COL24A1: variants seen among roughly 807,000 people sequenced by gnomAD.
COL24A1 encodes collagen type XXIV alpha 1 chain, also known as collagen alpha-1(XXIV) chain.
A neutral mutation model predicts 253.9 loss-of-function variants in COL24A1; 224 were observed. That is an observed-to-expected ratio of 0.88 (90% CI 0.79 to 0.99). The LOEUF is 0.99. COL24A1 is among the 50% of genes least tolerant of loss of function. The probability of loss-of-function intolerance (pLI) is 0.00; values close to 1 mark genes in which losing one functional copy is unlikely to be tolerated. For synonymous variants in COL24A1, 685 were observed against 673.7 expected, an observed-to-expected ratio of 1.02 and a Z score of -0.26; for missense variants, 2,131 against 2,068.5, an observed-to-expected ratio of 1.03 and a Z score of -0.59.
At chr1:85,778,633 T>C (rs1668843819) in intron 52 of COL24A1, among the ~76,000 whole-genome samples, 1 of 150,174 alleles carries the variant, frequency 6.7e-6, no homozygotes, top group Non-Finnish European at 1.5e-5. Flanking sequence ...AGATGGAGTT[T>C]CACTCTTATT....
In COL24A1 at chr1:85,970,256, T is replaced by C. The variant is rs770173210; in HGVS notation, c.2434A>G (p.Ile812Val). ...LKGTQGEEGP[I>V]GAFGELGPRG... ...GGCCCCAGTTCCCCAAAGGCTCCAA[T>C]TGGTCCTTCTTCTCCCTTAAAAAAA... is the stretch of plus-strand genomic sequence containing the variant. The change falls in exon 22 of 60, where the codon ATT becomes GTT. Residue 812 changes from isoleucine (I) to valine (V), a missense_variant. Physicochemically the swap from Ile to Val is conservative, Grantham distance 29 (BLOSUM62 3). Transcript: ENST00000370571. The C allele has an allele frequency of 1.4e-5, 22 of 1,597,700 alleles. No homozygotes were observed. The East Asian group carries it at 1.8e-4, about 13-fold the overall frequency.
intron 23 of COL24A1, among the ~76,000 whole-genome samples, chr1:85,961,694 C>T (rs893474587): frequency 7.2e-5 from 11 of 152,066 alleles, no homozygotes; most frequent in African/African-American, 2.7e-4. Flanking sequence ...CGGTTTAACA[C>T]CAAGCATGAC....
At chr1:86,053,374 T>C (rs1700453752) in intron 10 of COL24A1, among the ~76,000 whole-genome samples, 1 of 152,080 alleles carries the variant, frequency 6.6e-6, no homozygotes, top group Non-Finnish European at 1.5e-5. Flanking sequence ...TACAATTAGA[T>C]ATTTTAAATA....
intron 24 of COL24A1, among the ~76,000 whole-genome samples, chr1:85,919,806 T>G (rs970364635): frequency 6.6e-6 from 1 of 152,240 alleles, no homozygotes; most frequent in Admixed American, 6.5e-5. Flanking sequence ...AATAACTTTC[T>G]GTTGTGTTAA....
At chr1:85,842,906 C>T (rs1676773259) in intron 39 of COL24A1, among the ~76,000 whole-genome samples, 1 of 152,096 alleles carries the variant, frequency 6.6e-6, no homozygotes, top group Admixed American at 6.5e-5. Context: ...CCTATGATTA[C>T]TCTTATTATC....
chr1:85,842,549 T>G (rs2102260390), intron 39 of COL24A1, among the ~76,000 whole-genome samples, 156 bp from the exon 40 acceptor site: 1 of 152,282 alleles, frequency 6.6e-6, no homozygotes, highest in South Asian at 2.1e-4. Flanking sequence ...ACCCCCCAAC[T>G]TTTGTCTATT....
intron 20 of COL24A1, among the ~76,000 whole-genome samples, chr1:85,984,193 G>A (rs1337185393): frequency 6.6e-6 from 1 of 151,808 alleles, no homozygotes; most frequent in Non-Finnish European, 1.5e-5. Flanking sequence ...AACTTCAAGA[G>A]AAACAAAATT....
chr1:86,153,003 C>T (rs1652984325), intron 1 of COL24A1, among the ~76,000 whole-genome samples: 1 of 152,254 alleles, frequency 6.6e-6, no homozygotes, highest in South Asian at 2.1e-4. Flanking sequence ...TTTATCTCTC[C>T]AGCTCCAGCT....
rs1328507012 is a variant in COL24A1 at position 85,875,437 on chromosome 1, T to C, written c.3031-107A>G. The C allele has an allele frequency of 5.1e-6, 4 of 780,606 alleles. No individual in the cohort carries two copies. In the Admixed American group the frequency reaches 6.6e-5, roughly 13 times the overall value. The allele number at this position is 780,606 out of a possible 1,614,324, so 48.4% of individuals were successfully genotyped here. On this transcript the variant is annotated intron_variant, in intron 33 of 59. Coordinates refer to ENST00000370571, the MANE Select transcript of COL24A1 (RefSeq NM_152890.7). ...GATACCTGTGTCCAAAAGGGCATAATTGCTGTCCCTTTATAAACTTCATAG... is the reference window on the plus strand; with the variant it reads ...GATACCTGTGTCCAAAAGGGCATAACTGCTGTCCCTTTATAAACTTCATAG...
intron 6 of COL24A1, among the ~76,000 whole-genome samples, chr1:86,091,208 C>T (rs899365877): frequency 2.0e-5 from 3 of 151,832 alleles, no homozygotes; most frequent in African/African-American, 7.3e-5. Context: ...AATAAAATTA[C>T]TAAAATTTTA....
intron 37 of COL24A1, among the ~76,000 whole-genome samples, chr1:85,849,840 T>C (rs1431760382): frequency 2.0e-5 from 3 of 152,194 alleles, no homozygotes; most frequent in African/African-American, 7.2e-5. Context: ...TTGTGGAAAG[T>C]ACAGGACTTC....
intron 24 of COL24A1, among the ~76,000 whole-genome samples, chr1:85,927,880 T>C (rs970547353): frequency 4.3e-5 from 6 of 138,204 alleles, no homozygotes; most frequent in African/African-American, 8.1e-5. Flanking sequence ...TCCTGTCTGT[T>C]AGAAGGAAAA....
intron 19 of COL24A1, among the ~76,000 whole-genome samples, chr1:86,001,770 C>T (rs1695438931): frequency 6.6e-6 from 1 of 152,040 alleles, no homozygotes; most frequent in Non-Finnish European, 1.5e-5. Context: ...CACACACACA[C>T]AAAGGAGAGA....
At chr1:85,942,734 G>T (rs1688867335) in intron 24 of COL24A1, among the ~76,000 whole-genome samples, 1 of 152,176 alleles carries the variant, frequency 6.6e-6, no homozygotes, top group African/African-American at 2.4e-5. Flanking sequence ...ACCTGGAGAA[G>T]GGATTAGTGT....
intron 55 of COL24A1, 127 bp downstream of exon 55, chr1:85,761,269 G>A: frequency 9.9e-7 from 1 of 1,012,298 alleles, no homozygotes; most frequent in South Asian, 1.6e-5. Flanking sequence ...CCTGTATCAG[G>A]TTAGCAAAAA....
intron 20 of COL24A1, among the ~76,000 whole-genome samples, chr1:85,987,289 G>A (rs1317485239): frequency 6.6e-6 from 1 of 151,676 alleles, no homozygotes; most frequent in African/African-American, 2.4e-5. Context: ...TTAGTGGTCA[G>A]GGAATTCTCA....
At chr1:85,945,018 T>TGTTTGTTTG (rs1689167685) in intron 24 of COL24A1, among the ~76,000 whole-genome samples, 3 of 86,834 alleles carry the variant, frequency 3.5e-5, no homozygotes, top group Non-Finnish European at 6.9e-5. Context: ...TTTTTTTTTT[T>TGTTTGTTTG]TTTTTTTTTT....
At chr1:86,117,280 G>A (rs1353784625) in intron 3 of COL24A1, among the ~76,000 whole-genome samples, 1 of 152,134 alleles carries the variant, frequency 6.6e-6, no homozygotes, top group Non-Finnish European at 1.5e-5. Flanking sequence ...GAGGTGATGG[G>A]TCAGGGATTA....
chr1:86,008,830 T>C (rs2101121748), intron 19 of COL24A1, among the ~76,000 whole-genome samples: 1 of 152,100 alleles, frequency 6.6e-6, no homozygotes. Context: ...TCAACAGTCT[T>C]TGGACACATA....
Sources: allele counts gnomAD v4.1 joint callset (sites outside exome capture counted in the v4.1 genomes callset), GRCh38; gene constraint gnomAD v4.1.1; transcripts MANE v1.5; gene names NCBI Gene and HGNC (gene_info 2026-07-23, HGNC 2026-07-21).